RNF180: variants seen among roughly 807,000 people sequenced by gnomAD.
RNF180 encodes the protein ring finger protein 180.
Under a neutral mutation model 59.2 loss-of-function variants are expected in RNF180, and 38 were observed. The observed-to-expected ratio is 0.64, with a 90% confidence interval of 0.50 to 0.84. RNF180 has a LOEUF of 0.84. Among genes scored for constraint, RNF180 ranks in the 40% least tolerant of loss-of-function variants. RNF180 has a pLI of 0.00. For missense variants in RNF180, 705 were observed against 700.9 expected, an observed-to-expected ratio of 1.01 and a Z score of -0.07; for synonymous variants, 262 against 240.3, an observed-to-expected ratio of 1.09 and a Z score of -0.84.
intron 5 of RNF180, among the ~76,000 whole-genome samples, chr5:64,319,785 C>T (rs1447606980): frequency 5.3e-5 from 8 of 152,234 alleles, no homozygotes; most frequent in Admixed American, 2.0e-4. Flanking sequence ...GGGATGCCTG[C>T]GGCCTTTTAT....
intron 5 of RNF180, among the ~76,000 whole-genome samples, chr5:64,297,214 A>C (rs1276081493): frequency 2.6e-5 from 4 of 151,932 alleles, no homozygotes; most frequent in African/African-American, 9.7e-5. Flanking sequence ...ACACTGGTTG[A>C]GATAGCTTGG....
In RNF180 at chr5:64,366,143, A is replaced by T. The variant is rs528673352; in HGVS notation, c.1580-3472A>T. The stretch of plus-strand genomic sequence containing the variant: ...CCATATTTAATGCATCTTTCAGGAG[A>T]TCTTATAAGGCTGGTATAGTGGTGA... On this transcript the variant is annotated intron_variant, in intron 7 of 7. Coordinates refer to ENST00000389100, the MANE Select transcript of RNF180 (RefSeq NM_001113561.2). 3.3e-5 allele frequency among the ~76,000 whole-genome samples: 5 copies of T among 151,582 alleles called. No individual in the cohort carries two copies. In the South Asian group the frequency reaches 1.0e-3, roughly 31 times the overall value.
chr5:64,366,520 A>G (rs1746453815), intron 7 of RNF180, among the ~76,000 whole-genome samples: 1 of 151,536 alleles, frequency 6.6e-6, no homozygotes, highest in African/African-American at 2.4e-5. Context: ...GTTCTCGTGG[A>G]TGATCTCCTG....
intron 5 of RNF180, among the ~76,000 whole-genome samples, chr5:64,304,410 A>G (rs1159643556): frequency 6.6e-6 from 1 of 151,634 alleles, no homozygotes; most frequent in African/African-American, 2.4e-5. Flanking sequence ...TCATCAATCT[A>G]GATGCCATAA....
intron 1 of RNF180, among the ~76,000 whole-genome samples, chr5:64,176,728 G>A (rs942226602): frequency 1.3e-5 from 2 of 152,136 alleles, no homozygotes; most frequent in Admixed American, 6.5e-5. Context: ...TTCACTGATG[G>A]TTTGATATCT....
intron 5 of RNF180, among the ~76,000 whole-genome samples, chr5:64,229,326 TTTA>T (rs1741976142): frequency 1.3e-5 from 2 of 152,294 alleles, no homozygotes; most frequent in South Asian, 4.1e-4. Flanking sequence ...GAAGTGCTGG[TTTA>T]TTAACGGTGA....
At chr5:64,194,974 A>G (rs905422531) in intron 1 of RNF180, among the ~76,000 whole-genome samples, 6 of 152,200 alleles carry the variant, frequency 3.9e-5, no homozygotes, top group African/African-American at 1.4e-4. Flanking sequence ...GAACATGTAT[A>G]TATGTATGTA....
At chr5:64,183,010 T>G (rs913031722) in intron 1 of RNF180, among the ~76,000 whole-genome samples, 1 of 152,182 alleles carries the variant, frequency 6.6e-6, no homozygotes, top group Non-Finnish European at 1.5e-5. Context: ...CCGGCTAAGA[T>G]GCCAGCAGGT....
At chr5:64,364,177 C>G (rs1402109266) in intron 7 of RNF180, among the ~76,000 whole-genome samples, 1 of 151,758 alleles carries the variant, frequency 6.6e-6, no homozygotes, top group East Asian at 1.9e-4. Flanking sequence ...AAGGGGAATG[C>G]TTCCAGCTTT....
intron 5 of RNF180, among the ~76,000 whole-genome samples, chr5:64,227,461 C>T (rs745983497): frequency 7.2e-5 from 11 of 152,202 alleles, no homozygotes; most frequent in African/African-American, 9.6e-5. Context: ...GGAGCCCCGC[C>T]CTCCTCAGAG....
intron 7 of RNF180, among the ~76,000 whole-genome samples, chr5:64,336,757 C>T (rs1745142512): frequency 6.6e-6 from 1 of 151,798 alleles, no homozygotes; most frequent in South Asian, 2.1e-4. Flanking sequence ...GGGTTTCTGC[C>T]CTTATTGGTT....
chr5:64,226,770 C>A (rs368363855), intron 5 of RNF180, among the ~76,000 whole-genome samples: 1 of 152,104 alleles, frequency 6.6e-6, no homozygotes, highest in Non-Finnish European at 1.5e-5. Context: ...TCTTTAGCCT[C>A]CAAAATACAA....
At chr5:64,247,341 C>T (rs1743247500) in intron 5 of RNF180, among the ~76,000 whole-genome samples, 1 of 152,218 alleles carries the variant, frequency 6.6e-6, no homozygotes, top group Non-Finnish European at 1.5e-5. Flanking sequence ...TTGCAGATGA[C>T]ATGATTGTAT....
chr5:64,359,930 A>G (rs1215420846), intron 7 of RNF180, among the ~76,000 whole-genome samples: 1 of 151,998 alleles, frequency 6.6e-6, no homozygotes, highest in Admixed American at 6.6e-5. Context: ...AGGTTTGTCA[A>G]AGATCAGATA....
chr5:64,185,164 T>C (rs1750808524), intron 1 of RNF180, among the ~76,000 whole-genome samples: 1 of 152,186 alleles, frequency 6.6e-6, no homozygotes. Context: ...ACTTTCAGCA[T>C]ATATCTAGAA....
chr5:64,340,090 A>T (rs923289977), intron 7 of RNF180, among the ~76,000 whole-genome samples: 1 of 152,176 alleles, frequency 6.6e-6, no homozygotes, highest in Admixed American at 6.5e-5. Flanking sequence ...TATGGTTTCC[A>T]TCTATGCTAT....
intron 1 of RNF180, among the ~76,000 whole-genome samples, chr5:64,175,315 G>A (rs905118875): frequency 1.3e-5 from 2 of 152,030 alleles, no homozygotes; most frequent in African/African-American, 4.8e-5. Context: ...TAGAAGACGG[G>A]GGTTTAGTTC....
chr5:64,339,068 TATA>T (rs932208034), intron 7 of RNF180, among the ~76,000 whole-genome samples: 1 of 152,134 alleles, frequency 6.6e-6, no homozygotes, highest in African/African-American at 2.4e-5. Flanking sequence ...AGCCTTTGTT[TATA>T]ATATTTTAAT....
chr5:64,277,071 T>C (rs1277729604), intron 5 of RNF180, among the ~76,000 whole-genome samples: 5 of 151,900 alleles, frequency 3.3e-5, no homozygotes, highest in Non-Finnish European at 5.9e-5. Flanking sequence ...GAATTACATC[T>C]TCCCAAAATT....
Sources: allele counts gnomAD v4.1 joint callset (sites outside exome capture counted in the v4.1 genomes callset), GRCh38; gene constraint gnomAD v4.1.1; transcripts MANE v1.5; gene names NCBI Gene and HGNC (gene_info 2026-07-23, HGNC 2026-07-21).